PDE4D: variants seen among roughly 807,000 people sequenced by gnomAD.
The protein encoded by PDE4D is phosphodiesterase 4D, also known as 3',5'-cyclic-AMP phosphodiesterase 4D.
In PDE4D, 24 loss-of-function variants were observed where a neutral mutation model predicts 87.4. That is an observed-to-expected ratio of 0.27 (90% CI 0.20 to 0.39). The LOEUF (loss-of-function observed/expected upper bound fraction) is 0.39, where lower values mean the gene tolerates loss of function less well. Among genes scored for constraint, PDE4D ranks in the 10% least tolerant of loss-of-function variants. The pLI is 1.00. For synonymous variants in PDE4D, 384 were observed against 383.2 expected (o/e 1.00, Z -0.02); for missense variants, 714 against 1,041.0 (o/e 0.69, Z 4.32).
chr5:60,307,327 C>T (rs1237185845), intron 1 of PDE4D, among the ~76,000 whole-genome samples: 1 of 152,070 alleles, frequency 6.6e-6, no homozygotes, highest in South Asian at 2.1e-4. Flanking sequence ...AATATTATGA[C>T]ACTAGCTCTA....
intron 2 of PDE4D, among the ~76,000 whole-genome samples, chr5:59,211,105 C>T (rs1026777338): frequency 3.9e-5 from 6 of 152,038 alleles, no homozygotes; most frequent in Non-Finnish European, 8.8e-5. Context: ...GGGCAACCAG[C>T]CTTTTGTTAT....
At chr5:60,086,384 G>A (rs1774537156) in intron 2 of PDE4D, among the ~76,000 whole-genome samples, 1 of 152,118 alleles carries the variant, frequency 6.6e-6, no homozygotes, top group Non-Finnish European at 1.5e-5. Flanking sequence ...AGATATTATA[G>A]CTCTTTAAAC....
intron 1 of PDE4D, among the ~76,000 whole-genome samples, chr5:59,281,792 TTA>T (rs1302102253): frequency 7.9e-5 from 12 of 152,140 alleles, no homozygotes; most frequent in Admixed American, 6.6e-5. Context: ...TCTAGATATC[TTA>T]TATAGGGGAA....
At chr5:59,841,026 T>C (rs1742923914) in intron 1 of PDE4D, among the ~76,000 whole-genome samples, 1 of 152,068 alleles carries the variant, frequency 6.6e-6, no homozygotes, top group Admixed American at 6.6e-5. Flanking sequence ...CCCACACCTA[T>C]TCCCCAAATT....
intron 1 of PDE4D, among the ~76,000 whole-genome samples, chr5:60,479,378 C>A (rs1157198966): frequency 6.6e-6 from 1 of 152,144 alleles, no homozygotes; most frequent in African/African-American, 2.4e-5. Context: ...ACAATCACAG[C>A]TTCACCACCT....
chr5:59,461,629 C>A (rs73758503), intron 1 of PDE4D, among the ~76,000 whole-genome samples: 2,494 of 152,244 alleles, frequency 0.016, 72 homozygotes, highest in African/African-American at 0.055. Context: ...TAATTTTTCC[C>A]CAGGAGTTGA....
At chr5:59,766,424 G>C (rs1030595481) in intron 1 of PDE4D, among the ~76,000 whole-genome samples, 1 of 152,178 alleles carries the variant, frequency 6.6e-6, no homozygotes, top group African/African-American at 2.4e-5. Flanking sequence ...CACCAGAAAA[G>C]GAAGTGCCAG....
intron 1 of PDE4D, among the ~76,000 whole-genome samples, chr5:59,504,016 G>A (rs1808789659): frequency 6.6e-6 from 1 of 152,124 alleles, no homozygotes; most frequent in Non-Finnish European, 1.5e-5. Context: ...GGATGAGTTG[G>A]TTTCTTTTAT....
At chr5:59,200,167 A>G (rs928447924) in intron 2 of PDE4D, among the ~76,000 whole-genome samples, 4 of 132,990 alleles carry the variant, frequency 3.0e-5, no homozygotes, top group South Asian at 2.5e-4. Context: ...ATATAAGTAT[A>G]CACGTGTATG....
intron 6 of PDE4D, among the ~76,000 whole-genome samples, chr5:59,029,282 T>A (rs1238500443): frequency 6.7e-6 from 1 of 149,598 alleles, no homozygotes; most frequent in Non-Finnish European, 1.5e-5. Context: ...GCAGGTGTGG[T>A]GGCAGGCGCC....
chr5:59,136,432 G>A (rs189123477), intron 5 of PDE4D, among the ~76,000 whole-genome samples: 674 of 152,256 alleles, frequency 4.4e-3, no homozygotes, highest in Non-Finnish European at 7.1e-3. Flanking sequence ...CAGGCACAAG[G>A]ATGCCTGCAG....
At chr5:59,000,572 G>T (rs1294583163) in intron 6 of PDE4D, among the ~76,000 whole-genome samples, 2 of 152,182 alleles carry the variant, frequency 1.3e-5, no homozygotes, top group Admixed American at 1.3e-4. Context: ...AAATCTAGGG[G>T]TGGGACCACT....
intron 1 of PDE4D, among the ~76,000 whole-genome samples, chr5:60,501,402 G>C (rs1583945751): frequency 2.0e-5 from 3 of 151,746 alleles, no homozygotes; most frequent in African/African-American, 7.3e-5. Flanking sequence ...GTCTATCATT[G>C]TTGGACATTT....
chr5:59,343,387 T>C (rs1779091476), intron 1 of PDE4D, among the ~76,000 whole-genome samples: 2 of 152,156 alleles, frequency 1.3e-5, no homozygotes, highest in African/African-American at 2.4e-5. Flanking sequence ...TTGACTTTTT[T>C]AGATTCCACA....
chr5:59,671,036 A>C (rs922536347), intron 1 of PDE4D, among the ~76,000 whole-genome samples: 3 of 152,206 alleles, frequency 2.0e-5, no homozygotes, highest in Non-Finnish European at 2.9e-5. Context: ...ACACATTTTC[A>C]TTATACAGAG....
chr5:59,279,601 AACT>A (rs1765450260), intron 1 of PDE4D, among the ~76,000 whole-genome samples: 2 of 152,066 alleles, frequency 1.3e-5, no homozygotes, highest in Admixed American at 1.3e-4. Flanking sequence ...TAATAATAAT[AACT>A]ACTAATTATT....
intron 1 of PDE4D, among the ~76,000 whole-genome samples, chr5:59,660,278 T>C (rs1308397456): frequency 6.6e-6 from 1 of 152,174 alleles, no homozygotes; most frequent in Non-Finnish European, 1.5e-5. Context: ...CTGAAGGTAA[T>C]AGTATTTTAT....
chr5:60,370,628 G>A (rs1161839650), intron 1 of PDE4D, among the ~76,000 whole-genome samples: 1 of 152,096 alleles, frequency 6.6e-6, no homozygotes, highest in Non-Finnish European at 1.5e-5. Context: ...AAGCAATTTT[G>A]GAAATTAATC....
intron 1 of PDE4D, among the ~76,000 whole-genome samples, chr5:59,370,554 A>G (rs936054344): frequency 2.6e-5 from 4 of 152,258 alleles, no homozygotes; most frequent in African/African-American, 7.2e-5. Flanking sequence ...TTTTTAATCT[A>G]AAATCACACT....
Sources: allele counts gnomAD v4.1 joint callset (sites outside exome capture counted in the v4.1 genomes callset), GRCh38; gene constraint gnomAD v4.1.1; transcripts MANE v1.5; gene names NCBI Gene and HGNC (gene_info 2026-07-23, HGNC 2026-07-21).